GRM5: variants seen among roughly 807,000 people sequenced by gnomAD.
The protein encoded by GRM5 is metabotropic glutamate receptor 5.
In GRM5, 19 loss-of-function variants were observed where a neutral mutation model predicts 83.1. The ratio of observed to expected loss-of-function variants is 0.23; its 90% CI spans 0.16 to 0.34. The LOEUF (loss-of-function observed/expected upper bound fraction) is 0.34, where lower values mean the gene tolerates loss of function less well. Among genes scored for constraint, GRM5 ranks in the 10% least tolerant of loss-of-function variants. The pLI, the probability that GRM5 is intolerant of heterozygous loss-of-function variation, is 1.00. For missense variants in GRM5, 1,160 were observed against 1,588.3 expected, an observed-to-expected ratio of 0.73 and a Z score of 4.58; for synonymous variants, 675 against 633.6, an observed-to-expected ratio of 1.07 and a Z score of -0.98.
intron 3 of GRM5, among the ~76,000 whole-genome samples, chr11:88,655,671 GTTT>G: frequency 7.4e-6 from 1 of 135,014 alleles, no homozygotes; most frequent in African/African-American, 2.7e-5. Flanking sequence ...TACTTTCTCT[GTTT>G]TTTTTTTTTT....
intron 4 of GRM5, among the ~76,000 whole-genome samples, chr11:88,636,282 T>TG (rs1409195926): frequency 2.6e-5 from 4 of 152,136 alleles, no homozygotes; most frequent in South Asian, 2.1e-4. Context: ...GAGGCCAAGG[T>TG]GGGTGGATCA....
At position 89,029,125 on chromosome 11, in the gene GRM5, C is replaced by T. The variant is rs542949661; in HGVS notation, c.661+18087G>A. ...AGGACGTGAACTCATCTTTTTTATG[C>T]CTGCATAGTATTCCATGGTTTATAT... On this transcript the variant is annotated intron_variant, in intron 2 of 9. Transcript: ENST00000305447. 5.1e-4 allele frequency among the ~76,000 whole-genome samples: 77 copies of T among 152,256 alleles called. No homozygotes were observed. The South Asian group carries it at 0.015, about 30-fold the overall frequency.
At chr11:88,550,285 AG>A (rs1942476392) in intron 8 of GRM5, among the ~76,000 whole-genome samples, 1 of 152,200 alleles carries the variant, frequency 6.6e-6, no homozygotes, top group Non-Finnish European at 1.5e-5. Flanking sequence ...TATTTCTACT[AG>A]GTAGGTGCTT....
intron 8 of GRM5, among the ~76,000 whole-genome samples, chr11:88,534,864 C>A (rs1942098798): frequency 6.6e-6 from 1 of 152,128 alleles, no homozygotes; most frequent in African/African-American, 2.4e-5. Flanking sequence ...GCAGTTTCCC[C>A]TATACTGTTC....
chr11:88,928,709 G>A (rs1259659820), intron 2 of GRM5, among the ~76,000 whole-genome samples: 3 of 151,842 alleles, frequency 2.0e-5, no homozygotes, highest in Non-Finnish European at 1.5e-5. Context: ...AGCTCAATAA[G>A]TGTAATGTTT....
intron 3 of GRM5, among the ~76,000 whole-genome samples, chr11:88,655,631 A>C (rs2135309708): frequency 6.6e-6 from 1 of 151,350 alleles, no homozygotes; most frequent in Admixed American, 6.6e-5. Context: ...TGTCAGGATG[A>C]GAGTGATAAT....
intron 4 of GRM5, among the ~76,000 whole-genome samples, chr11:88,634,066 C>T (rs1402577885): frequency 6.6e-6 from 1 of 152,044 alleles, no homozygotes; most frequent in Non-Finnish European, 1.5e-5. Flanking sequence ...ATTTGTATAT[C>T]TAAATGTAGA....
chr11:88,742,034 C>A (rs757336080), intron 3 of GRM5, among the ~76,000 whole-genome samples: 1 of 151,752 alleles, frequency 6.6e-6, no homozygotes, highest in South Asian at 2.1e-4. Context: ...TGTTCAGCTG[C>A]GGTGAAGTGG....
chr11:88,959,951 G>A (rs1938733525), intron 2 of GRM5, among the ~76,000 whole-genome samples: 1 of 152,152 alleles, frequency 6.6e-6, no homozygotes, highest in Non-Finnish European at 1.5e-5. Context: ...TTTAAACTCA[G>A]TTTAACATAT....
chr11:88,604,254 A>G (rs186056719), intron 5 of GRM5, among the ~76,000 whole-genome samples: 306 of 152,346 alleles, frequency 2.0e-3, no homozygotes, highest in African/African-American at 7.0e-3. Context: ...GAATAATAAA[A>G]TAAAATGTGA....
chr11:88,923,323 G>C (rs1945725716), intron 2 of GRM5, among the ~76,000 whole-genome samples: 2 of 152,116 alleles, frequency 1.3e-5, no homozygotes, highest in African/African-American at 2.4e-5. Flanking sequence ...TAGATGAATG[G>C]ATAAGGCAAA....
rs76531273 is a variant in GRM5, at chr11:88,684,529, G to A, written c.912-31126C>T. On this transcript the variant is annotated intron_variant, in intron 3 of 9. Transcript: ENST00000305447. ...AGTTATAAATAGAGAGGAGCAAAGG[G>A]TGAGCTTAAGGTTTTTGGCTTGAAG... Among the ~76,000 whole-genome samples the A allele has an allele frequency of 7.7e-3, 1,171 of 152,306 alleles. 10 individuals carry two copies. The highest frequency in any genetic ancestry group is 0.027 in the African/African-American group (1,106 of 41,562).
chr11:89,011,291 T>C (rs1342551918), intron 2 of GRM5, among the ~76,000 whole-genome samples: 2 of 152,172 alleles, frequency 1.3e-5, no homozygotes, highest in East Asian at 3.9e-4. Flanking sequence ...TAACATGGTA[T>C]TGCAATATTA....
At chr11:88,751,091 AAAAAC>A (rs1294184090) in intron 3 of GRM5, among the ~76,000 whole-genome samples, 60 of 96,754 alleles carry the variant, frequency 6.2e-4, no homozygotes, top group Admixed American at 1.0e-3. Flanking sequence ...AAAAAAAAAA[AAAAAC>A]AAAGAACAAA....
At chr11:88,693,706 C>T (rs1022802983) in intron 3 of GRM5, among the ~76,000 whole-genome samples, 6 of 152,090 alleles carry the variant, frequency 3.9e-5, no homozygotes, top group African/African-American at 1.4e-4. Flanking sequence ...TTTTCAGTCC[C>T]TAAGGAAATA....
intron 2 of GRM5, among the ~76,000 whole-genome samples, chr11:89,006,388 T>A (rs2135079750): frequency 6.6e-6 from 1 of 152,332 alleles, no homozygotes; most frequent in East Asian, 1.9e-4. Flanking sequence ...AGTCTTCCTT[T>A]CTTTTGGACT....
chr11:88,518,530 G>A (rs551966119), intron 9 of GRM5, among the ~76,000 whole-genome samples: 57 of 151,866 alleles, frequency 3.8e-4, no homozygotes, highest in African/African-American at 1.3e-3. Context: ...ATGGTTTCAG[G>A]GTCAAATAAG....
chr11:88,849,573 T>G (rs561676766), intron 3 of GRM5, among the ~76,000 whole-genome samples: 1 of 152,290 alleles, frequency 6.6e-6, no homozygotes, highest in East Asian at 1.9e-4. Flanking sequence ...AAAATCAGCT[T>G]TAAAAGCAAC....
intron 3 of GRM5, among the ~76,000 whole-genome samples, chr11:88,824,163 A>G (rs11499681): frequency 0.026 from 3,877 of 151,974 alleles, 173 homozygotes; most frequent in African/African-American, 0.089. Context: ...TCTTTATTCT[A>G]TTTGGAAGCA....
Sources: allele counts gnomAD v4.1 joint callset (sites outside exome capture counted in the v4.1 genomes callset), GRCh38; gene constraint gnomAD v4.1.1; transcripts MANE v1.5; gene names NCBI Gene and HGNC (gene_info 2026-07-23, HGNC 2026-07-21).